The following NOL6 variants were observed in gnomAD, a reference collection of about 807,000 sequenced individuals.
The protein encoded by NOL6 is nucleolar protein 6.
A neutral mutation model predicts 131.7 loss-of-function variants in NOL6; 33 were observed. The ratio of observed to expected loss-of-function variants is 0.25; its 90% CI spans 0.19 to 0.33. NOL6 has a LOEUF of 0.33. Ranked by LOEUF, NOL6 falls within the 10% of genes least tolerant of loss-of-function variation. The probability of loss-of-function intolerance (pLI) is 1.00; values close to 1 mark genes in which losing one functional copy is unlikely to be tolerated. For missense variants in NOL6, 1,297 were observed against 1,494.5 expected (o/e 0.87, Z 2.18); for synonymous variants, 580 against 605.7 (o/e 0.96, Z 0.62).
Position 33,467,277 on chromosome 9 carries a change from G to C in NOL6, c.1726-15C>G, listed in dbSNP as rs1435316004. The C allele has an allele frequency of 1.2e-6, 2 of 1,613,514 alleles. No homozygotes were observed. The highest frequency in any genetic ancestry group is 1.7e-5 in the Admixed American group (1 of 59,988). On this transcript the variant is annotated splice_polypyrimidine_tract_variant and intron_variant, in intron 13 of 25. Coordinates refer to ENST00000297990, the MANE Select transcript of NOL6 (RefSeq NM_022917.5). The surrounding 1 kb of genome is among the most constrained non-coding windows in gnomAD (Gnocchi z 4.4). Reference sequence around the variant, plus strand: ...AATTTAGCAGCCTGAGGAGGCAAGGGTGGTAGTAGAGCTGGGGAAGGAAGG... The same window carrying C: ...AATTTAGCAGCCTGAGGAGGCAAGGCTGGTAGTAGAGCTGGGGAAGGAAGG...
intron 19 of NOL6, 86 bp downstream of exon 19, chr9:33,465,648 G>GC: frequency 7.1e-7 from 1 of 1,410,252 alleles, no homozygotes; most frequent in South Asian, 1.3e-5. Flanking sequence ...ATACCATCTG[G>GC]CCCCTGGAGA....
intron 3 of NOL6, chr9:33,470,607 C>T (rs1827383925): frequency 6.5e-6 from 1 of 153,146 alleles, no homozygotes; most frequent in Non-Finnish European, 1.5e-5. Flanking sequence ...ATGGCGTGAA[C>T]CCGGAAGGCG....
At position 33,469,240 on chromosome 9, in the gene NOL6, C is replaced by A. The variant is rs767496312; in HGVS notation, c.829G>T (p.Ala277Ser). The stretch of plus-strand genomic sequence containing the variant: ...GCAGGACTCTGCCCTCGGTACCAGG[C>A]AGAGCGCACATTGTTCTTGGTTGGC... ...LLPTKNNVRS[A>S]WYRGQSPAGD... Residue 277 changes from alanine (A) to serine (S), a missense_variant, in exon 6 of 26, where the codon GCC becomes TCC. By Grantham distance (99) the Ala-to-Ser change is moderately conservative. Transcript: ENST00000297990. 35 of 1,614,108 alleles carry A rather than the reference C, an allele frequency of 2.2e-5. No homozygotes were observed. The African/African-American group carries it at 4.1e-4, about 19-fold the overall frequency.
At chr9:33,473,059 G>T (rs1333669537) in intron 1 of NOL6, among the ~76,000 whole-genome samples, 1 of 151,436 alleles carries the variant, frequency 6.6e-6, no homozygotes, top group African/African-American at 2.4e-5. Flanking sequence ...CTCTTCTGCT[G>T]ATATAGGCCT....
At position 33,465,398 on chromosome 9, in the gene NOL6, C is replaced by A. The variant is rs771593973; in HGVS notation, c.2529-39G>T. On this transcript the variant is annotated intron_variant, in intron 19 of 25. Coordinates refer to ENST00000297990, the MANE Select transcript of NOL6 (RefSeq NM_022917.5). ...GGGAGTGTCAGCGAGACTCAGGGCC[C>A]CACTGCCACTGTTCATCCAGCCCCT... The A allele has an allele frequency of 2.6e-6, 4 of 1,547,118 alleles. No homozygotes were observed. In the South Asian group the frequency reaches 4.8e-5, roughly 18 times the overall value.
rs1563882566 is a variant in NOL6, at chr9:33,472,387, G to T, written c.80C>A (p.Thr27Lys). ...GGATGCTTTCTTCCCCTCTTTGCCT[G>T]TGCCTTCCAGGGCTGGTTCCATCAC... is the stretch of plus-strand genomic sequence containing the variant. The part of the protein sequence containing the change: ...PEVMEPALEG[T>K]GKEGKKASSR... Residue 27 changes from threonine (T) to lysine (K), a missense_variant, in exon 2 of 26, where the codon ACA becomes AAA. Thr to Lys is a moderately conservative substitution (Grantham distance 78, BLOSUM62 -1). Coordinates refer to ENST00000297990, the MANE Select transcript of NOL6 (RefSeq NM_022917.5). 4 of 1,613,928 alleles carry T rather than the reference G, an allele frequency of 2.5e-6. No individual in the cohort carries two copies. The African/African-American group carries it at 5.3e-5, about 22-fold the overall frequency.
At position 33,466,120 on chromosome 9, in the gene NOL6, T is replaced by A. The variant is rs765992596; in HGVS notation, c.2315A>T (p.Gln772Leu). The A allele has an allele frequency of 1.2e-6, 2 of 1,612,398 alleles. No homozygotes were observed. The highest frequency in any genetic ancestry group is 1.7e-6 in the Non-Finnish European group (2 of 1,179,028). The change falls in exon 18 of 26, where the codon CAG becomes CTG. Residue 772 changes from glutamine (Q) to leucine (L), a missense_variant. Gln to Leu is a moderately radical substitution (Grantham distance 113). Transcript: ENST00000297990. ...QLRLAELLTQ[Q>L]HGLQCRATAT... ...AGTGGCACGGCACTGCAGACCATGC[T>A]GTTGTGTCAACAGCTCTGCCAGGCG...
rs548426625 is a variant in NOL6, at chr9:33,469,392, G to A, written c.728-51C>T. 16 of 1,612,346 alleles carry A rather than the reference G, an allele frequency of 9.9e-6. No homozygotes were observed. The Admixed American group carries it at 1.0e-4, about 10-fold the overall frequency. On this transcript the variant is annotated intron_variant, in intron 5 of 25. Coordinates refer to ENST00000297990, the MANE Select transcript of NOL6 (RefSeq NM_022917.5). ...CTCTGCAGGAGCCCTTGGAGCCAGA[G>A]GGCTCCCCATCCTGTCCCCCCATAC...
At position 33,467,451 on chromosome 9, in the gene NOL6, GAGA is replaced by G; in HGVS notation, c.1665_1667del (p.Leu556del). 1 of 1,614,226 alleles carries G rather than the reference GAGA, an allele frequency of 6.2e-7. No individual in the cohort carries two copies. Among genetic ancestry groups the G allele is most frequent in the Non-Finnish European group, 8.5e-7 (1 of 1,180,038 alleles). ...GGACGCTGGTCAGTCCCTCAGGCCGGAGAAGGAGTCCCAGGGTCAGGGTCCCAG... is the reference window on the plus strand; with the variant it reads ...GGACGCTGGTCAGTCCCTCAGGCCGGAGGAGTCCCAGGGTCAGGGTCCCAG... On this transcript the variant is annotated inframe_deletion, in exon 13 of 26. Coordinates refer to ENST00000297990, the MANE Select transcript of NOL6 (RefSeq NM_022917.5). This position sits in a 1 kb window ranked among gnomAD's most constrained non-coding sequence, Gnocchi z 4.4.
At chr9:33,466,821 C>T in intron 15 of NOL6, 91 bp downstream of exon 15, 1 of 1,573,578 alleles carries the variant, frequency 6.4e-7, no homozygotes, top group Non-Finnish European at 8.7e-7. Flanking sequence ...GCTGGACATG[C>T]CAGGAAGTGC....
At chr9:33,463,002 T>G (rs569210935) in intron 25 of NOL6, 31 bp downstream of exon 25, 2 of 1,598,636 alleles carry the variant, frequency 1.3e-6, no homozygotes, top group Admixed American at 1.7e-5. Context: ...GTGCACACAC[T>G]CAGGAACACA....
At chr9:33,464,772 T>G (rs1827194138) in intron 21 of NOL6, 107 bp downstream of exon 21, 1 of 750,302 alleles carries the variant, frequency 1.3e-6, no homozygotes. Context: ...CTTAGACATC[T>G]GGGGCTGGGG....
At position 33,466,946 on chromosome 9, in the gene NOL6, C is replaced by G; in HGVS notation, c.1916G>C (p.Gly639Ala). The G allele has an allele frequency of 1.9e-6, 3 of 1,614,040 alleles. No homozygotes were observed. Among genetic ancestry groups the G allele is most frequent in the Non-Finnish European group, 1.7e-6 (2 of 1,179,966 alleles). The change falls in exon 15 of 26, where the codon GGC (glycine) becomes GCC (alanine). Residue 639 changes from glycine to alanine, a missense_variant. Coordinates refer to ENST00000297990, the MANE Select transcript of NOL6 (RefSeq NM_022917.5). Reference sequence around the variant, plus strand: ...GCCTTGGATAAGTGCATCCAGGGGGCCCCCCACATAGTGGACACAGGTTTC... The same window carrying G: ...GCCTTGGATAAGTGCATCCAGGGGGGCCCCCACATAGTGGACACAGGTTTC... The part of the protein sequence containing the change: ...IPETCVHYVG[G>A]PLDALIQGLK...
chr9:33,465,863 T>C lies in NOL6; in HGVS notation c.2399A>G (p.Gln800Arg). The C allele has an allele frequency of 6.2e-7, 1 of 1,614,068 alleles. No homozygotes were observed. The highest frequency in any genetic ancestry group is 8.5e-7 in the Non-Finnish European group (1 of 1,179,952). The change falls in exon 19 of 26, where the codon CAG becomes CGG. Residue 800 changes from glutamine (Q) to arginine (R), a missense_variant. Coordinates refer to ENST00000297990, the MANE Select transcript of NOL6 (RefSeq NM_022917.5). ...CTCCTTCAGGATCTGGGGCTCCCGC[T>C]GATAGGCCACGCGAATCCGAAACAC... Reference protein sequence around the residue: ...GFVFRIRVAYQREPQILKEVQ... With the variant: ...GFVFRIRVAYRREPQILKEVQ...
Position 33,469,573 on chromosome 9 carries a change from G to C in NOL6, c.653C>G (p.Pro218Arg). The change falls in exon 5 of 26, where the codon CCC becomes CGC. Residue 218 changes from proline to arginine, a missense_variant. Pro to Arg is a moderately radical substitution (Grantham distance 103). Coordinates refer to ENST00000297990, the MANE Select transcript of NOL6 (RefSeq NM_022917.5). ...AHLAHHLAQD[P>R]LFGSVCFSYT... ...GGAGAAGCAAACACTGCCAAAGAGG[G>C]GGTCCTGGGCCAGGTGGTGAGCCAA... 1 of 1,608,828 alleles carries C rather than the reference G, an allele frequency of 6.2e-7. No individual in the cohort carries two copies. Among genetic ancestry groups the C allele is most frequent in the Non-Finnish European group, 8.5e-7 (1 of 1,178,588 alleles).
At chr9:33,462,914 G>A in intron 25 of NOL6, 101 bp from the exon 26 acceptor site, 2 of 1,551,278 alleles carry the variant, frequency 1.3e-6, no homozygotes, top group South Asian at 1.2e-5. Flanking sequence ...AGAAACACAA[G>A]CCCATACACT....
At chr9:33,472,503 C>T in intron 1 of NOL6, 91 bp from the exon 2 acceptor site, 1 of 979,530 alleles carries the variant, frequency 1.0e-6, no homozygotes, top group East Asian at 2.6e-5. Flanking sequence ...TGGGTAAAAG[C>T]TTCACCTGCT....
chr9:33,466,922 C>G lies in NOL6; in HGVS notation c.1940G>C (p.Gly647Ala), dbSNP rs768527815. Residue 647 changes from glycine to alanine, a missense_variant, in exon 15 of 26, where the codon GGC (glycine) becomes GCC (alanine). Transcript: ENST00000297990. ...VGGPLDALIQ[G>A]LKETSSTGEE... ...CCCCAAGACCCTTACCTCTTTCAGG[C>G]CTTGGATAAGTGCATCCAGGGGGCC... 215 of 1,613,926 alleles carry G rather than the reference C, an allele frequency of 1.3e-4. No homozygotes were observed. Among genetic ancestry groups the G allele is most frequent in the Non-Finnish European group, 1.8e-4 (211 of 1,179,978 alleles).
Position 33,468,784 on chromosome 9 carries a change from T to C in NOL6, c.1115A>G (p.Tyr372Cys), listed in dbSNP as rs1396193390. The part of the protein sequence containing the change: ...TRKIHTTMSG[Y>C]QVLRSVLQFL... ...CTGCAAGACACTTCTCAGGACCTGGTAGCCACTCATGGTGGTATGGATCTT... is the reference window on the plus strand; with the variant it reads ...CTGCAAGACACTTCTCAGGACCTGGCAGCCACTCATGGTGGTATGGATCTT... Residue 372 changes from tyrosine (Y) to cysteine (C), a missense_variant, in exon 8 of 26, where the codon TAC (tyrosine) becomes TGC (cysteine). Physicochemically the swap from Tyr to Cys is radical, Grantham distance 194. Transcript: ENST00000297990. 3.7e-6 allele frequency: 6 copies of C among 1,614,148 alleles called. No individual in the cohort carries two copies. The highest frequency in any genetic ancestry group is 4.2e-6 in the Non-Finnish European group (5 of 1,180,022).
Sources: allele counts gnomAD v4.1 joint callset (sites outside exome capture counted in the v4.1 genomes callset), GRCh38; gene constraint gnomAD v4.1.1; non-coding constraint Gnocchi (gnomAD v3.1); transcripts MANE v1.5; gene names NCBI Gene and HGNC (gene_info 2026-07-23, HGNC 2026-07-21).